NEK2: variants seen among roughly 807,000 people sequenced by gnomAD.
The protein encoded by NEK2 is serine/threonine-protein kinase Nek2.
NEK2 carries 28 observed loss-of-function variants against 54.1 expected under a neutral mutation model. The ratio of observed to expected loss-of-function variants is 0.52; its 90% CI spans 0.38 to 0.71. The LOEUF is 0.71. NEK2 is among the 30% of genes least tolerant of loss of function. The pLI, the probability that NEK2 is intolerant of heterozygous loss-of-function variation, is 0.00. For missense variants in NEK2, 407 were observed against 531.5 expected, an observed-to-expected ratio of 0.77 and a Z score of 2.30; for synonymous variants, 176 against 193.1, an observed-to-expected ratio of 0.91 and a Z score of 0.73.
At chr1:211,665,584 C>T (rs1280617389) in intron 7 of NEK2, among the ~76,000 whole-genome samples, 2 of 152,046 alleles carry the variant, frequency 1.3e-5, no homozygotes, top group African/African-American at 4.8e-5. Context: ...CATTTTATCA[C>T]CCTAATCATG....
chr1:211,675,558 A>G lies in NEK2; in HGVS notation c.-79T>C. On this transcript the variant is annotated 5_prime_UTR_variant, in exon 1 of 8. Transcript: ENST00000366999. ...CGGAGCTCCAGGGACCAGGAACTCCAGGGACCTGGATGGAGAAGCCCCCGA... is the reference window on the plus strand; with the variant it reads ...CGGAGCTCCAGGGACCAGGAACTCCGGGGACCTGGATGGAGAAGCCCCCGA... 8.2e-7 allele frequency: 1 copy of G among 1,222,392 alleles called. No homozygotes were observed. Among genetic ancestry groups the G allele is most frequent in the South Asian group, 1.2e-5 (1 of 80,742 alleles). 75.7% of individuals were successfully genotyped at this position (1,222,392 alleles called of 1,614,324 possible).
At chr1:211,669,396 A>T (rs1655291621) in intron 5 of NEK2, 64 bp from the exon 6 acceptor site, 3 of 1,430,396 alleles carry the variant, frequency 2.1e-6, no homozygotes, top group Middle Eastern at 1.8e-4. Flanking sequence ...CTAAGACAGC[A>T]GTTAAAATAA....
chr1:211,665,326 T>C (rs1230929893), intron 7 of NEK2, among the ~76,000 whole-genome samples: 3 of 152,214 alleles, frequency 2.0e-5, no homozygotes, highest in East Asian at 1.9e-4. Flanking sequence ...CCCCAGTGGA[T>C]ACTTGATTCC....
Position 211,669,987 on chromosome 1 carries a change from G to T in NEK2, c.765+294C>A, listed in dbSNP as rs928385493. Reference sequence around the variant, plus strand: ...CCTCACTACCTGCCACTGTGAGGTAGGCAAGGACAAGGGGAACGAGAATTT... The same window carrying T: ...CCTCACTACCTGCCACTGTGAGGTATGCAAGGACAAGGGGAACGAGAATTT... On this transcript the variant is annotated intron_variant, in intron 5 of 7. Coordinates refer to ENST00000366999, the MANE Select transcript of NEK2 (RefSeq NM_002497.4). Among the ~76,000 whole-genome samples the T allele has an allele frequency of 3.9e-5, 6 of 152,294 alleles. No homozygotes were observed. In the South Asian group the frequency reaches 6.2e-4, roughly 16 times the overall value.
chr1:211,673,585 G>A lies in NEK2; in HGVS notation c.453C>T (p.Gly151=). Residue 151 remains glycine (G), a synonymous_variant, in exon 3 of 8, where the codon GGC becomes GGT. Coordinates refer to ENST00000366999, the MANE Select transcript of NEK2 (RefSeq NM_002497.4). The stretch of plus-strand genomic sequence containing the variant: ...AGTCTCCAAGCTTGACGTTTTGCTT[G>A]CCATCCAGGAAAACATTGGCTGGTT... ...DLKPANVFLD[G]KQNVKLGDFG... is the part of the protein sequence containing the mutation. The A allele has an allele frequency of 6.2e-7, 1 of 1,614,098 alleles. No homozygotes were observed.
At chr1:211,658,326 G>T (rs1396246256), downstream of NEK2, among the ~76,000 whole-genome samples, 1 of 151,450 alleles carries the variant, frequency 6.6e-6, no homozygotes, top group East Asian at 1.9e-4. Flanking sequence ...TTTTTAAAGG[G>T]AATTTATTTG....
downstream of NEK2, among the ~76,000 whole-genome samples, chr1:211,659,532 G>C (rs1558224933): frequency 6.6e-6 from 1 of 152,012 alleles, no homozygotes; most frequent in African/African-American, 2.4e-5. Flanking sequence ...TGTTGTTTTG[G>C]GTACTCAGAA....
At chr1:211,661,129 TA>T, downstream of NEK2, 1 of 745,902 alleles carries the variant, frequency 1.3e-6, no homozygotes, top group Non-Finnish European at 2.5e-6. Context: ...AGCTGGGCGA[TA>T]GCATCTCCTG....
chr1:211,674,849 CCA>C (rs1655527145), intron 1 of NEK2, among the ~76,000 whole-genome samples: 1 of 152,162 alleles, frequency 6.6e-6, no homozygotes, highest in Non-Finnish European at 1.5e-5. Context: ...CCATTCCACC[CCA>C]GTCGTGTTTT....
At chr1:211,670,058 T>C (rs571711449) in intron 5 of NEK2, among the ~76,000 whole-genome samples, 1 of 152,322 alleles carries the variant, frequency 6.6e-6, no homozygotes, top group African/African-American at 2.4e-5. Flanking sequence ...TCTGTTAGCA[T>C]GACAGAGTGG....
downstream of NEK2, chr1:211,658,659 A>G (rs749940108): frequency 6.9e-5 from 30 of 431,956 alleles, 1 homozygote; most frequent in South Asian, 4.8e-4. Flanking sequence ...GGCCAAGGCT[A>G]CATTGAGCTG....
At position 211,673,795 on chromosome 1, in the gene NEK2, T is replaced by C. The variant is rs1051682434; in HGVS notation, c.315-72A>G. ...TGCCAAGATGGGATGATATAAATTA[T>C]CCAGTGTACAAATAGGGAATTTATT... is the stretch of plus-strand genomic sequence containing the variant. On this transcript the variant is annotated intron_variant, in intron 2 of 7. Transcript: ENST00000366999. 5.5e-6 allele frequency: 8 copies of C among 1,442,846 alleles called. No individual in the cohort carries two copies. In the South Asian group the frequency reaches 7.3e-5, roughly 13 times the overall value. The allele number at this position is 1,442,846 out of a possible 1,614,324, so 89.4% of individuals were successfully genotyped here.
downstream of NEK2, chr1:211,661,151 C>T (rs554879341): frequency 2.7e-6 from 2 of 741,740 alleles, no homozygotes; most frequent in African/African-American, 1.7e-5. Flanking sequence ...TCTCTGGGTG[C>T]CCCATCTCAT....
At chr1:211,673,032 T>G (rs1390311257) in intron 3 of NEK2, among the ~76,000 whole-genome samples, 1 of 150,972 alleles carries the variant, frequency 6.6e-6, no homozygotes, top group African/African-American at 2.4e-5. Flanking sequence ...TGGAAAAATA[T>G]AACAGTATTT....
At chr1:211,663,742 A>G (rs1655090357) in intron 7 of NEK2, 90 bp from the exon 8 acceptor site, 11 of 1,273,126 alleles carry the variant, frequency 8.6e-6, no homozygotes, top group African/African-American at 1.5e-5. Context: ...ATTTGCTCTT[A>G]TGGCTCACAT....
At chr1:211,667,004 T>C in intron 7 of NEK2, 102 bp downstream of exon 7, 1 of 1,543,608 alleles carries the variant, frequency 6.5e-7, no homozygotes, top group Non-Finnish European at 8.7e-7. Flanking sequence ...AAATTTGAGA[T>C]TTGTAAATGA....
In NEK2 at chr1:211,675,611, G is replaced by A. The variant is rs1009141571; in HGVS notation, c.-132C>T. The stretch of plus-strand genomic sequence containing the variant: ...AGCACTGACCCGCCACCCCTGCCTT[G>A]GGCCCCGTTTAACCGTCGCGGGCCC... On this transcript the variant is annotated 5_prime_UTR_variant, in exon 1 of 8. Coordinates refer to ENST00000366999, the MANE Select transcript of NEK2 (RefSeq NM_002497.4). 5.9e-6 allele frequency: 4 copies of A among 683,042 alleles called. No individual in the cohort carries two copies. Among genetic ancestry groups the A allele is most frequent in the Non-Finnish European group, 1.0e-5 (4 of 399,992 alleles). The allele number at this position is 683,042 out of a possible 1,614,324, so 42.3% of individuals were successfully genotyped here.
In NEK2 at chr1:211,667,180, G is replaced by A. The variant is rs1655207334; in HGVS notation, c.1037C>T (p.Ala346Val). 1.2e-6 allele frequency: 2 copies of A among 1,613,482 alleles called. No individual in the cohort carries two copies. Among genetic ancestry groups the A allele is most frequent in the Non-Finnish European group, 1.7e-6 (2 of 1,179,708 alleles). ...VRERLAEDKL[A>V]RAENLLKNYS... ...GTTCTTCAACAGATTTTCTGCTCTA[G>A]CCAGTTTGTCCTCTGCTAGTCTCTC... Residue 346 changes from alanine to valine, a missense_variant, in exon 7 of 8, where the codon GCT becomes GTT. Coordinates refer to ENST00000366999, the MANE Select transcript of NEK2 (RefSeq NM_002497.4).
At chr1:211,666,990 C>A in intron 7 of NEK2, 116 bp downstream of exon 7, 1 of 1,526,220 alleles carries the variant, frequency 6.6e-7, no homozygotes, top group African/African-American at 1.4e-5. Context: ...TGAAATCCAT[C>A]TTAAAATTTG....
Sources: allele counts gnomAD v4.1 joint callset (sites outside exome capture counted in the v4.1 genomes callset), GRCh38; gene constraint gnomAD v4.1.1; transcripts MANE v1.5; gene names NCBI Gene and HGNC (gene_info 2026-07-23, HGNC 2026-07-21).